ASCC1: variants seen among roughly 807,000 people sequenced by gnomAD.
ASCC1 encodes the protein activating signal cointegrator 1 complex subunit 1.
Under a neutral mutation model 46.6 loss-of-function variants are expected in ASCC1, and 35 were observed. That is an observed-to-expected ratio of 0.75 (90% confidence interval 0.57 to 0.99). The LOEUF (loss-of-function observed/expected upper bound fraction) is 0.99, where lower values mean the gene tolerates loss of function less well. Among genes scored for constraint, ASCC1 ranks in the 50% least tolerant of loss-of-function variants. The pLI, the probability that ASCC1 is intolerant of heterozygous loss-of-function variation, is 0.00. For synonymous variants in ASCC1, 143 were observed against 146.6 expected, an observed-to-expected ratio of 0.98 and a Z score of 0.18; for missense variants, 376 against 428.7, an observed-to-expected ratio of 0.88 and a Z score of 1.09.
chr10:72,107,302 ACC>A lies in ASCC1; in HGVS notation c.958-9854_958-9853del, dbSNP rs143451737. 3.6e-3 allele frequency among the ~76,000 whole-genome samples: 512 copies of A among 142,540 alleles called. 5 individuals carry two copies. Among genetic ancestry groups the A allele is most frequent in the African/African-American group, 8.9e-3 (341 of 38,524 alleles). The allele number at this position is 142,540 out of a possible 152,430, so 93.5% of individuals were successfully genotyped here. A position where few individuals can be genotyped will look rare whatever the true frequency, so the allele number is the denominator to read the frequency against. ...AAAGAATTAAGTTCACAAATAAGTT[ACC>A]CCCCCCCCAAAAAAATAAATTTTGT... On this transcript the variant is annotated intron_variant, in intron 9 of 9. Transcript: ENST00000672957.
rs1295955812 is a variant in ASCC1 at position 72,096,909 on chromosome 10, G to C, written c.*425C>G. ...GAATGGTGGCTGCGGGGGCTGGGAG[G>C]AGTGGGAATTACTGTTTAATGGGTA... On this transcript the variant is annotated 3_prime_UTR_variant, in exon 10 of 10. Transcript: ENST00000672957. 2.2e-6 allele frequency: 1 copy of C among 454,040 alleles called. No individual in the cohort carries two copies. Among genetic ancestry groups the C allele is most frequent in the East Asian group, 6.9e-5 (1 of 14,410 alleles). 28.1% of individuals were successfully genotyped at this position (454,040 alleles called of 1,614,324 possible).
At chr10:72,193,477 CACCA>C (rs751228306) in intron 5 of ASCC1, among the ~76,000 whole-genome samples, 117 of 143,942 alleles carry the variant, frequency 8.1e-4, no homozygotes, top group Admixed American at 2.7e-3. Flanking sequence ...CACACACACA[CACCA>C]CACACACACA....
chr10:72,152,172 GT>G (rs57745135), intron 7 of ASCC1, among the ~76,000 whole-genome samples: 16,550 of 134,840 alleles, frequency 0.12, 3,126 homozygotes, highest in African/African-American at 0.41. Flanking sequence ...TTGTTTTTGG[GT>G]TTTTTTTTTT....
At chr10:72,203,147 G>A (rs1390756011) in intron 4 of ASCC1, among the ~76,000 whole-genome samples, 2 of 151,918 alleles carry the variant, frequency 1.3e-5, no homozygotes, top group African/African-American at 4.8e-5. Flanking sequence ...TTAGCCAGGC[G>A]TGGTGGCACA....
chr10:72,107,085 T>A (rs976263441), intron 9 of ASCC1, among the ~76,000 whole-genome samples: 1 of 152,096 alleles, frequency 6.6e-6, no homozygotes, highest in Non-Finnish European at 1.5e-5. Context: ...AATGGTATAT[T>A]TCAGATGCAT....
chr10:72,188,944 C>T (rs1853934545), intron 5 of ASCC1, among the ~76,000 whole-genome samples: 1 of 151,974 alleles, frequency 6.6e-6, no homozygotes, highest in Non-Finnish European at 1.5e-5. Context: ...GCTGTAGAGA[C>T]AGGGTCTCCC....
chr10:72,197,586 T>C (rs1855653137), intron 4 of ASCC1, among the ~76,000 whole-genome samples: 1 of 150,918 alleles, frequency 6.6e-6, no homozygotes. Flanking sequence ...GTGTAGTCAC[T>C]ATGAAAAAGT....
chr10:72,166,617 C>T (rs1383972652), intron 5 of ASCC1, among the ~76,000 whole-genome samples: 1 of 151,066 alleles, frequency 6.6e-6, no homozygotes, highest in Non-Finnish European at 1.5e-5. Flanking sequence ...AAAACTTGTG[C>T]TTCAACAGAT....
At chr10:72,114,421 C>T (rs1402275109) in intron 9 of ASCC1, among the ~76,000 whole-genome samples, 5 of 151,998 alleles carry the variant, frequency 3.3e-5, no homozygotes, top group Admixed American at 3.3e-4. Context: ...GTCAGGAGAT[C>T]GAGACCATCC....
chr10:72,145,432 T>C (rs1388375117), intron 7 of ASCC1, among the ~76,000 whole-genome samples: 1 of 152,188 alleles, frequency 6.6e-6, no homozygotes, highest in Non-Finnish European at 1.5e-5. Context: ...TGCTCTTCTG[T>C]TTGCCTAAAA....
At chr10:72,178,656 C>T (rs1852166770) in intron 5 of ASCC1, among the ~76,000 whole-genome samples, 3 of 152,156 alleles carry the variant, frequency 2.0e-5, no homozygotes, top group African/African-American at 7.2e-5. Flanking sequence ...GCAGACAACC[C>T]AGTCCAGCCC....
intron 1 of ASCC1, among the ~76,000 whole-genome samples, chr10:72,213,744 A>G (rs1424274523): frequency 6.6e-6 from 1 of 152,064 alleles, no homozygotes. Flanking sequence ...TCGTCTCTAA[A>G]AAAAGAAAAA....
intron 9 of ASCC1, among the ~76,000 whole-genome samples, chr10:72,099,357 A>G (rs1489030130): frequency 1.3e-5 from 2 of 152,236 alleles, no homozygotes; most frequent in African/African-American, 2.4e-5. Flanking sequence ...TGAGAGAGAT[A>G]ACTAAACATA....
chr10:72,104,474 A>G (rs1255378129), intron 9 of ASCC1, among the ~76,000 whole-genome samples: 1 of 152,218 alleles, frequency 6.6e-6, no homozygotes, highest in African/African-American at 2.4e-5. Flanking sequence ...TTTAAAAAAA[A>G]GAAACTTGGT....
chr10:72,160,965 C>T (rs1170105334), intron 6 of ASCC1, among the ~76,000 whole-genome samples: 3 of 151,766 alleles, frequency 2.0e-5, no homozygotes, highest in Non-Finnish European at 4.4e-5. Flanking sequence ...CGCCTGTAGT[C>T]CCAGCTACTC....
chr10:72,173,056 G>A (rs556673118), intron 5 of ASCC1, among the ~76,000 whole-genome samples: 2 of 144,358 alleles, frequency 1.4e-5, no homozygotes, highest in South Asian at 4.3e-4. Context: ...AAAAATGAGG[G>A]AAAGAAATGC....
At chr10:72,141,012 T>C (rs1171365858) in intron 7 of ASCC1, among the ~76,000 whole-genome samples, 1 of 151,228 alleles carries the variant, frequency 6.6e-6, no homozygotes, top group African/African-American at 2.4e-5. Context: ...TGACCAAGTA[T>C]ACCAAGTATA....
At position 72,130,843 on chromosome 10, in the gene ASCC1, T is replaced by C. The variant is rs1845496702; in HGVS notation, c.871+2214A>G. 2.6e-5 allele frequency among the ~76,000 whole-genome samples: 4 copies of C among 152,198 alleles called. No homozygotes were observed. The South Asian group carries it at 6.2e-4, about 24-fold the overall frequency. On this transcript the variant is annotated intron_variant, in intron 8 of 9. Coordinates refer to ENST00000672957, the MANE Select transcript of ASCC1 (RefSeq NM_001198800.3). ...CATATTGGACATCGCAGATACAGAA[T>C]ACTTCAATCATCACAGACCGTTTTC... is the stretch of plus-strand genomic sequence containing the variant.
At chr10:72,113,000 T>A (rs117865192) in intron 9 of ASCC1, among the ~76,000 whole-genome samples, 1 of 148,498 alleles carries the variant, frequency 6.7e-6, no homozygotes, top group Non-Finnish European at 1.5e-5. Context: ...ATAAAAAAGA[T>A]AAGTATTTTC....
Sources: gnomAD v4.1 joint callset for allele counts (sites outside exome capture counted in the v4.1 genomes callset) on GRCh38, gnomAD v4.1.1 for gene constraint, MANE v1.5 for transcripts, NCBI Gene and HGNC (gene_info 2026-07-23, HGNC 2026-07-21) for gene names.